SLC30A4: variants seen among roughly 807,000 people sequenced by gnomAD.
SLC30A4 encodes solute carrier family 30 member 4.
In SLC30A4, 20 loss-of-function variants were observed where a neutral mutation model predicts 41.7. That is an observed-to-expected ratio of 0.48 (90% CI 0.34 to 0.70). SLC30A4 has a LOEUF of 0.70. Ranked by LOEUF, SLC30A4 falls within the 30% of genes least tolerant of loss-of-function variation. The probability of loss-of-function intolerance (pLI) is 0.01; values close to 1 mark genes in which losing one functional copy is unlikely to be tolerated. For synonymous variants in SLC30A4, 181 were observed against 195.9 expected (o/e 0.92, Z 0.64); for missense variants, 441 against 529.3 (o/e 0.83, Z 1.64).
At chr15:45,488,434 A>G (rs993287982) in intron 5 of SLC30A4, among the ~76,000 whole-genome samples, 3 of 152,140 alleles carry the variant, frequency 2.0e-5, no homozygotes, top group Non-Finnish European at 4.4e-5. Flanking sequence ...TTAGCTGGGC[A>G]TGGTGGTGTG....
intron 7 of SLC30A4, among the ~76,000 whole-genome samples, chr15:45,485,915 C>A (rs952702888): frequency 4.0e-5 from 6 of 151,228 alleles, no homozygotes; most frequent in African/African-American, 1.5e-4. Flanking sequence ...GATGGGGTTT[C>A]ATCATGTTGG....
intron 2 of SLC30A4, among the ~76,000 whole-genome samples, chr15:45,517,501 G>A (rs895703797): frequency 3.3e-5 from 5 of 151,206 alleles, no homozygotes; most frequent in South Asian, 2.1e-4. Context: ...TTACAGGCAC[G>A]TGCCACCATG....
intron 2 of SLC30A4, among the ~76,000 whole-genome samples, chr15:45,515,270 T>C (rs992126722): frequency 2.0e-5 from 3 of 151,724 alleles, no homozygotes; most frequent in African/African-American, 7.3e-5. Flanking sequence ...TCATGTGATC[T>C]TCCCACCTCA....
intron 3 of SLC30A4, among the ~76,000 whole-genome samples, chr15:45,497,728 TAGG>T (rs1192817849): frequency 6.6e-6 from 1 of 152,214 alleles, no homozygotes; most frequent in African/African-American, 2.4e-5. Flanking sequence ...TTGCCAAAAC[TAGG>T]AGTTTTCAAG....
chr15:45,511,881 C>A (rs994353210), intron 2 of SLC30A4, among the ~76,000 whole-genome samples: 1 of 152,140 alleles, frequency 6.6e-6, no homozygotes, highest in Non-Finnish European at 1.5e-5. Context: ...TGTCTTGGTA[C>A]TGAAGCTTTT....
intron 3 of SLC30A4, among the ~76,000 whole-genome samples, chr15:45,508,730 T>C (rs1892215092): frequency 6.6e-6 from 1 of 152,186 alleles, no homozygotes; most frequent in African/African-American, 2.4e-5. Flanking sequence ...TCTTGGAACT[T>C]AGTACTTTTA....
chr15:45,522,457 TC>T lies in SLC30A4; in HGVS notation c.-104del. The T allele has an allele frequency of 9.3e-7, 1 of 1,074,568 alleles. No homozygotes were observed. Among genetic ancestry groups the T allele is most frequent in the Non-Finnish European group, 1.3e-6 (1 of 764,586 alleles). 66.6% of individuals were successfully genotyped at this position (1,074,568 alleles called of 1,614,324 possible). On this transcript the variant is annotated 5_prime_UTR_variant, in exon 2 of 8. The change creates a premature stop within an existing upstream ORF in the 5' untranslated region. Coordinates refer to ENST00000261867, the MANE Select transcript of SLC30A4 (RefSeq NM_013309.6). ...CAGTTCTCGAGGGCAGTGCCGCGCG[TC>T]CCTCCCCATCCTGTGGAAAACGAAA...
At chr15:45,492,821 C>G (rs555193526) in intron 3 of SLC30A4, among the ~76,000 whole-genome samples, 28 of 152,270 alleles carry the variant, frequency 1.8e-4, no homozygotes, top group South Asian at 1.0e-3. Context: ...TCATAAAAAA[C>G]TAGTTATCTT....
intron 3 of SLC30A4, among the ~76,000 whole-genome samples, chr15:45,508,409 C>T (rs190202176): frequency 6.6e-6 from 1 of 152,088 alleles, no homozygotes; most frequent in Admixed American, 6.6e-5. Context: ...CCACTGGGAA[C>T]GGCTTCCCAC....
rs1039713311 is a variant in SLC30A4 at position 45,479,640 on chromosome 15, A to G, written c.*5523T>C. 1 of 152,138 alleles carries G rather than the reference A, an allele frequency of 6.6e-6. No individual in the cohort carries two copies. Among genetic ancestry groups the G allele is most frequent in the Non-Finnish European group, 1.5e-5 (1 of 68,026 alleles). 9.4% of individuals were successfully genotyped at this position (152,138 alleles called of 1,614,324 possible). A position where few individuals can be genotyped will look rare whatever the true frequency, so the allele number is the denominator to read the frequency against. ...TTTTTTTCAGTTTTATTTCTTAAAC[A>G]TATAAGAGGGCATTATAAAATGACA... On this transcript the variant is annotated 3_prime_UTR_variant, in exon 8 of 8. Transcript: ENST00000261867.
chr15:45,509,174 A>G (rs1310384941), intron 3 of SLC30A4, among the ~76,000 whole-genome samples: 1 of 152,192 alleles, frequency 6.6e-6, no homozygotes, highest in Non-Finnish European at 1.5e-5. Context: ...CTGTTTAAAA[A>G]TCCTAAGGCA....
intron 2 of SLC30A4, 93 bp downstream of exon 2, chr15:45,521,871 A>C: frequency 7.6e-7 from 1 of 1,315,128 alleles, no homozygotes; most frequent in Admixed American, 2.2e-5. Flanking sequence ...ACTTCCTGAA[A>C]AGATGGGTTA....
intron 3 of SLC30A4, among the ~76,000 whole-genome samples, chr15:45,507,148 C>T (rs1420795257): frequency 6.6e-6 from 1 of 151,780 alleles, no homozygotes; most frequent in Non-Finnish European, 1.5e-5. Context: ...GGTGAAATCC[C>T]GTCTCTACTA....
chr15:45,493,394 T>G (rs930125676), intron 3 of SLC30A4, among the ~76,000 whole-genome samples: 1 of 152,216 alleles, frequency 6.6e-6, no homozygotes, highest in Non-Finnish European at 1.5e-5. Flanking sequence ...AAAACTGTTA[T>G]GTGGAACAAC....
chr15:45,501,079 G>A (rs960345829), intron 3 of SLC30A4, among the ~76,000 whole-genome samples: 3 of 151,622 alleles, frequency 2.0e-5, no homozygotes, highest in South Asian at 2.1e-4. Flanking sequence ...AGGCCGAGGC[G>A]GGCAGATCAC....
intron 2 of SLC30A4, among the ~76,000 whole-genome samples, chr15:45,511,902 C>T (rs1035583124): frequency 6.6e-6 from 1 of 152,150 alleles, no homozygotes; most frequent in African/African-American, 2.4e-5. Context: ...GCTTAACTTA[C>T]TAATTCTACT....
At chr15:45,499,271 A>C (rs981852053) in intron 3 of SLC30A4, among the ~76,000 whole-genome samples, 3 of 151,906 alleles carry the variant, frequency 2.0e-5, no homozygotes, top group Admixed American at 6.6e-5. Flanking sequence ...ACGGGGTTTC[A>C]CCATGTTAGC....
intron 3 of SLC30A4, among the ~76,000 whole-genome samples, chr15:45,495,403 A>C (rs1347542471): frequency 2.0e-5 from 3 of 152,174 alleles, no homozygotes; most frequent in African/African-American, 7.2e-5. Flanking sequence ...TTGGATGATA[A>C]ATTATAGTTA....
At position 45,481,570 on chromosome 15, in the gene SLC30A4, A is replaced by G. The variant is rs1891602334; in HGVS notation, c.*3593T>C. On this transcript the variant is annotated 3_prime_UTR_variant, in exon 8 of 8. Coordinates refer to ENST00000261867, the MANE Select transcript of SLC30A4 (RefSeq NM_013309.6). ...TATTGTGGTCTGTGGTCCTGTCATAATCTGTTTTCCCAGTGCAAAATTAAT... is the reference window on the plus strand; with the variant it reads ...TATTGTGGTCTGTGGTCCTGTCATAGTCTGTTTTCCCAGTGCAAAATTAAT... 6.6e-6 allele frequency: 1 copy of G among 152,210 alleles called. No individual in the cohort carries two copies. The allele number at this position is 152,210 out of a possible 1,614,324, so 9.4% of individuals were successfully genotyped here.
Sources: allele counts gnomAD v4.1 joint callset (sites outside exome capture counted in the v4.1 genomes callset), GRCh38; gene constraint gnomAD v4.1.1; transcripts MANE v1.5; gene names NCBI Gene and HGNC (gene_info 2026-07-23, HGNC 2026-07-21).